SNX7: variants seen among roughly 807,000 people sequenced by gnomAD.
SNX7 encodes sorting nexin 7.
In SNX7, 35 loss-of-function variants were observed where a neutral mutation model predicts 48.4. The observed-to-expected ratio is 0.72, with a 90% CI of 0.55 to 0.96. SNX7 has a LOEUF of 0.96. Among genes scored for constraint, SNX7 ranks in the 40% least tolerant of loss-of-function variants. The probability of loss-of-function intolerance (pLI) is 0.00; values close to 1 mark genes in which losing one functional copy is unlikely to be tolerated. For synonymous variants in SNX7, 190 were observed against 190.2 expected (o/e 1.00, Z 0.01); for missense variants, 553 against 548.9 (o/e 1.01, Z -0.07).
chr1:98,672,799 C>T (rs912986734), intron 1 of SNX7, among the ~76,000 whole-genome samples: 4 of 150,664 alleles, frequency 2.7e-5, no homozygotes, highest in African/African-American at 9.8e-5. Flanking sequence ...TGGCGGGCGC[C>T]TGTAGTCCCA....
At chr1:98,732,683 T>C (rs139832594) in intron 7 of SNX7, among the ~76,000 whole-genome samples, 43 of 152,196 alleles carry the variant, frequency 2.8e-4, no homozygotes, top group East Asian at 2.3e-3. Context: ...GCATCCATAA[T>C]TGATTGTATC....
chr1:98,672,082 A>G (rs1276319757), intron 1 of SNX7, among the ~76,000 whole-genome samples: 1 of 152,188 alleles, frequency 6.6e-6, no homozygotes, highest in Non-Finnish European at 1.5e-5. Context: ...TTTGTAATCT[A>G]ATTGAACACT....
chr1:98,692,728 AGT>A (rs1269221096), intron 4 of SNX7, among the ~76,000 whole-genome samples: 3 of 152,306 alleles, frequency 2.0e-5, no homozygotes, highest in South Asian at 4.1e-4. Context: ...ACAATAGTAC[AGT>A]GTGTAGTGTA....
At chr1:98,669,012 G>A (rs1304680875) in intron 1 of SNX7, among the ~76,000 whole-genome samples, 1 of 152,168 alleles carries the variant, frequency 6.6e-6, no homozygotes, top group Admixed American at 6.5e-5. Context: ...AACTGTAAGA[G>A]CAGTGGAAAG....
At chr1:98,756,036 A>G (rs1204584507) in intron 8 of SNX7, among the ~76,000 whole-genome samples, 1 of 70,224 alleles carries the variant, frequency 1.4e-5, no homozygotes, top group African/African-American at 3.6e-5. Flanking sequence ...ATTTTACATG[A>G]TTTCATTTTA....
chr1:98,695,809 A>T (rs745647401), intron 5 of SNX7, 93 bp downstream of exon 5: 1 of 911,534 alleles, frequency 1.1e-6, no homozygotes, highest in Non-Finnish European at 1.8e-6. Context: ...TTCAGTTAGA[A>T]TGTCAGCTTC....
chr1:98,753,492 G>A (rs534887688), intron 8 of SNX7, among the ~76,000 whole-genome samples: 2 of 152,172 alleles, frequency 1.3e-5, no homozygotes, highest in South Asian at 2.1e-4. Flanking sequence ...GCCATCTTTG[G>A]TGCAATTTGA....
intron 7 of SNX7, among the ~76,000 whole-genome samples, chr1:98,710,807 A>T (rs1652260175): frequency 6.6e-6 from 1 of 152,188 alleles, no homozygotes; most frequent in African/African-American, 2.4e-5. Context: ...GAAGGCTTTG[A>T]TTCACTTTTA....
At chr1:98,755,116 AT>A (rs1654778099) in intron 8 of SNX7, among the ~76,000 whole-genome samples, 2 of 152,292 alleles carry the variant, frequency 1.3e-5, no homozygotes, top group South Asian at 4.1e-4. Flanking sequence ...TTTTAAAGAT[AT>A]CTTTCTGGTA....
At chr1:98,667,696 C>CT (rs1287155493) in intron 1 of SNX7, among the ~76,000 whole-genome samples, 1 of 152,018 alleles carries the variant, frequency 6.6e-6, no homozygotes, top group Admixed American at 6.6e-5. Context: ...AGTAGGGACT[C>CT]TAACTACATT....
intron 7 of SNX7, among the ~76,000 whole-genome samples, chr1:98,716,792 CT>C (rs1652614576): frequency 6.6e-6 from 1 of 151,906 alleles, no homozygotes; most frequent in African/African-American, 2.4e-5. Flanking sequence ...TTATCTGCTA[CT>C]AAAATCAAAG....
chr1:98,748,083 T>C (rs2101049116), intron 8 of SNX7, among the ~76,000 whole-genome samples: 2 of 151,908 alleles, frequency 1.3e-5, no homozygotes, highest in South Asian at 4.2e-4. Context: ...TTCAAGCGAT[T>C]CTCCTGCCTC....
intron 7 of SNX7, among the ~76,000 whole-genome samples, chr1:98,713,252 T>C (rs1248214862): frequency 6.6e-6 from 1 of 152,190 alleles, no homozygotes; most frequent in Non-Finnish European, 1.5e-5. Context: ...CGGAGACAGC[T>C]TCTTTCCTTA....
intron 4 of SNX7, among the ~76,000 whole-genome samples, chr1:98,692,931 A>G (rs1410518830): frequency 6.6e-6 from 1 of 152,166 alleles, no homozygotes. Flanking sequence ...TTGTGGATTC[A>G]TGACATACCT....
upstream of SNX7, among the ~76,000 whole-genome samples, chr1:98,661,327 C>A (rs1165261388): frequency 6.6e-6 from 1 of 151,160 alleles, no homozygotes; most frequent in Non-Finnish European, 1.5e-5. Context: ...CGGGTGCCTT[C>A]CAGCCTCGCT....
At chr1:98,672,059 T>C (rs1649898107) in intron 1 of SNX7, among the ~76,000 whole-genome samples, 1 of 152,078 alleles carries the variant, frequency 6.6e-6, no homozygotes, top group Admixed American at 6.6e-5. Context: ...CTGAGAAAAA[T>C]GTGCATGTGT....
intron 1 of SNX7, among the ~76,000 whole-genome samples, chr1:98,679,122 T>A (rs1650336004): frequency 6.6e-6 from 1 of 152,152 alleles, no homozygotes. Flanking sequence ...GGACTTACAA[T>A]TCTGCATGGC....
chr1:98,685,120 G>T, intron 2 of SNX7, 53 bp downstream of exon 2: 1 of 1,097,096 alleles, frequency 9.1e-7, no homozygotes. Context: ...TTTAAGCTTT[G>T]GAAGTAAGTA....
In SNX7 at chr1:98,737,414, AG is replaced by A. The variant is rs1653838592; in HGVS notation, c.1126-822del. ...GTTTGTCTCTCCCCAGTACAGTATA[AG>A]CTGTGGTAAAAACAGGGATTTTTGT... On this transcript the variant is annotated intron_variant, in intron 7 of 8. Coordinates refer to ENST00000306121, the MANE Select transcript of SNX7 (RefSeq NM_015976.5). Among the ~76,000 whole-genome samples the A allele has an allele frequency of 2.6e-5, 4 of 152,258 alleles. No individual in the cohort carries two copies. The South Asian group carries it at 8.3e-4, about 32-fold the overall frequency.
Sources: allele counts gnomAD v4.1 joint callset (sites outside exome capture counted in the v4.1 genomes callset), GRCh38; gene constraint gnomAD v4.1.1; transcripts MANE v1.5; gene names NCBI Gene and HGNC (gene_info 2026-07-23, HGNC 2026-07-21).